The following HTRA2 variants were observed in gnomAD, a reference collection of about 807,000 sequenced individuals.
HTRA2 encodes the protein serine protease HTRA2, mitochondrial.
A neutral mutation model predicts 42.2 loss-of-function variants in HTRA2; 24 were observed. The observed-to-expected ratio is 0.57, with a 90% CI of 0.41 to 0.80. HTRA2 has a LOEUF of 0.80. Among genes scored for constraint, HTRA2 ranks in the 30% least tolerant of loss-of-function variants. The pLI is 0.00. For synonymous variants in HTRA2, 245 were observed against 255.8 expected (o/e 0.96, Z 0.40); for missense variants, 466 against 613.5 (o/e 0.76, Z 2.54).
rs1573000175 is a variant in HTRA2, at chr2:74,533,095, C to T, written c.*110C>T. 7 of 941,096 alleles carry T rather than the reference C, an allele frequency of 7.4e-6. No individual in the cohort carries two copies. The highest frequency in any genetic ancestry group is 6.7e-5 in the South Asian group (5 of 75,088). 58.3% of individuals were successfully genotyped at this position (941,096 alleles called of 1,614,324 possible). ...TTAAATGAACCAGTGGGGGCAGGTC[C>T]CTCCAACCACCAGCACTGACTCCTG... On this transcript the variant is annotated 3_prime_UTR_variant, in exon 8 of 8. Transcript: ENST00000258080.
At chr2:74,529,919 G>A (rs1402342862), upstream of HTRA2, 5 of 1,475,506 alleles carry the variant, frequency 3.4e-6, no homozygotes, top group Non-Finnish European at 3.6e-6. Flanking sequence ...TCAGGTACCG[G>A]CGTGCCCCGC....
intron 7 of HTRA2, 24 bp from the exon 8 acceptor site, chr2:74,532,796 C>T (rs774509143): frequency 1.2e-6 from 2 of 1,614,068 alleles, no homozygotes; most frequent in South Asian, 2.2e-5. Flanking sequence ...TCCTTCCTTT[C>T]TCTCTGTCCA....
At position 74,530,089 on chromosome 2, in the gene HTRA2, G is replaced by C; in HGVS notation, c.83G>C (p.Arg28Thr). 6 of 1,597,518 alleles carry C rather than the reference G, an allele frequency of 3.8e-6. No homozygotes were observed. The highest frequency in any genetic ancestry group is 5.1e-6 in the Non-Finnish European group (6 of 1,167,470). ...RALGGIRWGR[R>T]PRLTPDLRAL... Reference sequence around the variant, plus strand: ...TTGGGGGGCATTCGCTGGGGGAGGAGACCCCGTTTGACCCCTGACCTCCGG... The same window carrying C: ...TTGGGGGGCATTCGCTGGGGGAGGACACCCCGTTTGACCCCTGACCTCCGG... Residue 28 changes from arginine to threonine, a missense_variant, in exon 1 of 8, where the codon AGA becomes ACA. This residue lies in a region of HTRA2 where 222 missense variants were observed against 205.1 expected (regional missense o/e 1.08). Transcript: ENST00000258080. The surrounding 1 kb of genome is among the most constrained non-coding windows in gnomAD (Gnocchi z 7.4).
In HTRA2 at chr2:74,530,924, C is replaced by G; in HGVS notation, c.725C>G (p.Thr242Arg). 1 of 1,614,240 alleles carries G rather than the reference C, an allele frequency of 6.2e-7. No individual in the cohort carries two copies. Among genetic ancestry groups the G allele is most frequent in the Non-Finnish European group, 8.5e-7 (1 of 1,180,042 alleles). The change falls in exon 3 of 8, where the codon ACG becomes AGG. Residue 242 changes from threonine to arginine, a missense_variant. By Grantham distance (71) the Thr-to-Arg change is moderately conservative. Coordinates refer to ENST00000258080, the MANE Select transcript of HTRA2 (RefSeq NM_013247.5). This position sits in a 1 kb window ranked among gnomAD's most constrained non-coding sequence, Gnocchi z 7.4. ...LRIQTKEPLP[T>R]LPLGRSADVR... Reference sequence around the variant, plus strand: ...ATTCTCCCTTAGGAGCCTCTCCCCACGCTGCCTCTGGGACGCTCAGCTGAT... The same window carrying G: ...ATTCTCCCTTAGGAGCCTCTCCCCAGGCTGCCTCTGGGACGCTCAGCTGAT...
chr2:74,531,388 T>G lies in HTRA2; in HGVS notation c.939+17T>G, dbSNP rs2104373046. On this transcript the variant is annotated intron_variant, in intron 4 of 7. Transcript: ENST00000258080. ...GTTAACCTGGTGAGTGAGACATCCT[T>G]CCTTCCAAGAATCCCTGCCCCAGGT... The G allele has an allele frequency of 6.2e-7, 1 of 1,613,932 alleles. No individual in the cohort carries two copies. Among genetic ancestry groups the G allele is most frequent in the African/African-American group, 1.3e-5 (1 of 75,054 alleles).
chr2:74,529,723 C>T (rs1416456497), upstream of HTRA2: 3 of 1,527,130 alleles, frequency 2.0e-6, no homozygotes, highest in East Asian at 2.4e-5. Context: ...TTTGGGCATC[C>T]GCCCGGGGTG....
chr2:74,533,538 C>A, downstream of HTRA2: 1 of 1,437,630 alleles, frequency 7.0e-7, no homozygotes, highest in Non-Finnish European at 9.7e-7. Context: ...TGGTAAGCTC[C>A]TGAGGTAATG....
rs768096748 is a variant in HTRA2, at chr2:74,530,093, C to T, written c.87C>T (p.Pro29=). Residue 29 remains proline (P), a synonymous_variant, in exon 1 of 8, where the codon CCC becomes CCT. Coordinates refer to ENST00000258080, the MANE Select transcript of HTRA2 (RefSeq NM_013247.5). This position sits in a 1 kb window ranked among gnomAD's most constrained non-coding sequence, Gnocchi z 7.4. ...GGGGCATTCGCTGGGGGAGGAGACC[C>T]CGTTTGACCCCTGACCTCCGGGCCC... The part of the protein sequence containing the change: ...ALGGIRWGRR[P]RLTPDLRALL... The T allele has an allele frequency of 8.8e-6, 14 of 1,598,672 alleles. No individual in the cohort carries two copies. In the African/African-American group the frequency reaches 1.9e-4, roughly 21 times the overall value.
upstream of HTRA2, chr2:74,529,918 G>T (rs539659478): frequency 6.8e-7 from 1 of 1,475,224 alleles, no homozygotes; most frequent in East Asian, 2.3e-5. Flanking sequence ...TTCAGGTACC[G>T]GCGTGCCCCG....
Position 74,529,937 on chromosome 2 carries a change from T to C in HTRA2, c.-70T>C. On this transcript the variant is annotated 5_prime_UTR_variant, in exon 1 of 8. Transcript: ENST00000258080. ...GGTACCGGCGTGCCCCGCGTCCTAC[T>C]GTCCGCCTGCTCGCGTCCTGGGTGC... 6.7e-7 allele frequency: 1 copy of C among 1,491,464 alleles called. No homozygotes were observed. The highest frequency in any genetic ancestry group is 8.9e-7 in the Non-Finnish European group (1 of 1,126,220). The allele number at this position is 1,491,464 out of a possible 1,614,324, so 92.4% of individuals were successfully genotyped here. A position where few individuals can be genotyped will look rare whatever the true frequency, so the allele number is the denominator to read the frequency against.
intron 6 of HTRA2, 120 bp from the exon 7 acceptor site, chr2:74,532,499 T>C (rs1185631137): frequency 1.6e-5 from 12 of 772,108 alleles, no homozygotes; most frequent in Non-Finnish European, 2.5e-5. Context: ...TTGTATTTTG[T>C]AGTACCTAGC....
Position 74,533,013 on chromosome 2 carries a change from G to C in HTRA2, c.*28G>C, listed in dbSNP as rs761473003. On this transcript the variant is annotated 3_prime_UTR_variant, in exon 8 of 8. Coordinates refer to ENST00000258080, the MANE Select transcript of HTRA2 (RefSeq NM_013247.5). The stretch of plus-strand genomic sequence containing the variant: ...AGATCACCAAGAGTATGAGGCTCCT[G>C]CTCTGATTTCCTCCTTGCCTTTCTG... The C allele has an allele frequency of 2.5e-6, 4 of 1,609,524 alleles. No homozygotes were observed. Among genetic ancestry groups the C allele is most frequent in the Non-Finnish European group, 3.4e-6 (4 of 1,176,554 alleles).
In HTRA2 at chr2:74,530,126, G is replaced by C; in HGVS notation, c.120G>C (p.Thr40=). 6.2e-7 allele frequency: 1 copy of C among 1,612,086 alleles called. No homozygotes were observed. The highest frequency in any genetic ancestry group is 1.7e-5 in the Admixed American group (1 of 59,970). ...RLTPDLRALL[T]SGTSDPRARV... The stretch of plus-strand genomic sequence containing the variant: ...CCCCTGACCTCCGGGCCCTGCTGAC[G>C]TCAGGAACTTCTGACCCCCGGGCCC... The change falls in exon 1 of 8, where the codon ACG becomes ACC. Residue 40 remains threonine, a synonymous_variant. Transcript: ENST00000258080. This position sits in a 1 kb window ranked among gnomAD's most constrained non-coding sequence, Gnocchi z 7.4.
chr2:74,533,411 C>T (rs1021909139), downstream of HTRA2: 1 of 587,738 alleles, frequency 1.7e-6, no homozygotes, highest in South Asian at 2.0e-5. Flanking sequence ...GCAAAGATTC[C>T]CATGCTTGGC....
At position 74,532,717 on chromosome 2, in the gene HTRA2, G is replaced by C; in HGVS notation, c.1211+3G>C. ...ATCCTGGGCTCCCCTGCACACCGGT[G>C]AGGGAGAGGCTGCAGTGTGATATGG... On this transcript the variant is annotated splice_donor_region_variant and intron_variant, in intron 7 of 7. Transcript: ENST00000258080. 1 of 1,612,840 alleles carries C rather than the reference G, an allele frequency of 6.2e-7. No individual in the cohort carries two copies. Among genetic ancestry groups the C allele is most frequent in the Non-Finnish European group, 8.5e-7 (1 of 1,179,006 alleles).
Position 74,530,358 on chromosome 2 carries a change from CTGT to C in HTRA2, c.362_364del (p.Leu121del), listed in dbSNP as rs746583618. On this transcript the variant is annotated inframe_deletion, in exon 1 of 8. Coordinates refer to ENST00000258080, the MANE Select transcript of HTRA2 (RefSeq NM_013247.5). The surrounding 1 kb of genome is among the most constrained non-coding windows in gnomAD (Gnocchi z 7.4). ...GGCGCTGGGCGCTGGGGGGGCAGTG[CTGT>C]TGTTGTTGTGGGGCGGGGGTCGGGG... 67 of 1,595,140 alleles carry C rather than the reference CTGT, an allele frequency of 4.2e-5. No individual in the cohort carries two copies. Among genetic ancestry groups the C allele is most frequent in the African/African-American group, 1.9e-4 (14 of 74,586 alleles).
Position 74,533,227 on chromosome 2 carries a change from AAGGCTAG to A in HTRA2, c.*246_*252del, listed in dbSNP as rs1247716659. 1 of 564,600 alleles carries A rather than the reference AAGGCTAG, an allele frequency of 1.8e-6. No individual in the cohort carries two copies. Among genetic ancestry groups the A allele is most frequent in the Non-Finnish European group, 3.1e-6 (1 of 318,114 alleles). The allele number at this position is 564,600 out of a possible 1,614,324, so 35.0% of individuals were successfully genotyped here. On this transcript the variant is annotated 3_prime_UTR_variant, in exon 8 of 8. Coordinates refer to ENST00000258080, the MANE Select transcript of HTRA2 (RefSeq NM_013247.5). ...AGGGCTGGATCTTTTCCCCCACCAA[AAGGCTAG>A]AGGTAAAGCTGTATCCCCCTAAACT...
chr2:74,531,748 A>G, intron 5 of HTRA2, 46 bp downstream of exon 5: 2 of 1,612,872 alleles, frequency 1.2e-6, no homozygotes, highest in African/African-American at 1.3e-5. Flanking sequence ...TGTGGTGGAA[A>G]TAGGGGAAGG....
In HTRA2 at chr2:74,530,672, G is replaced by C. The variant is rs1675528088; in HGVS notation, c.562G>C (p.Ala188Pro). The C allele has an allele frequency of 3.7e-6, 6 of 1,614,054 alleles. No homozygotes were observed. The highest frequency in any genetic ancestry group is 1.3e-5 in the African/African-American group (1 of 74,924). Residue 188 changes from alanine to proline, a missense_variant, in exon 2 of 8, where the codon GCT becomes CCT. Physicochemically the swap from Ala to Pro is conservative, Grantham distance 27. Around this residue, in one of 3 missense-constraint regions of HTRA2, gnomAD observed 115 missense variants for 245.4 expected, o/e 0.47. Transcript: ENST00000258080. The surrounding 1 kb of genome is among the most constrained non-coding windows in gnomAD (Gnocchi z 7.4). ...PISNGSGFVVAADGLIVTNAH... is the reference protein window; with the variant it reads ...PISNGSGFVVPADGLIVTNAH... ...CTCGAACGGCTCAGGATTCGTGGTG[G>C]CTGCCGATGGGCTCATTGTCACCAA...
Sources: gnomAD v4.1 joint callset for allele counts on GRCh38, gnomAD v4.1.1 for gene constraint, gnomAD v4.1.1 regional missense constraint, Gnocchi (gnomAD v3.1) non-coding constraint, MANE v1.5 for transcripts, NCBI Gene and HGNC (gene_info 2026-07-23, HGNC 2026-07-21) for gene names.